Variants in DENND4C observed in about 807,000 individuals in gnomAD.
DENND4C encodes DENN domain-containing protein 4C.
Under a neutral mutation model 203.0 loss-of-function variants are expected in DENND4C, and 108 were observed. The observed-to-expected ratio is 0.53, with a 90% CI of 0.46 to 0.62. The LOEUF is 0.62. Among genes scored for constraint, DENND4C ranks in the 20% least tolerant of loss-of-function variants. The pLI is 0.00. For missense variants in DENND4C, 2,481 were observed against 2,301.2 expected (o/e 1.08, Z -1.60); for synonymous variants, 871 against 792.4 (o/e 1.10, Z -1.67).
intron 10 of DENND4C, among the ~76,000 whole-genome samples, chr9:19,314,347 A>G (rs1278829445): frequency 1.3e-5 from 2 of 149,950 alleles, no homozygotes. Context: ...CCAGCTACTC[A>G]GGAGCCTGAG....
chr9:19,265,361 T>C (rs1830277723), intron 1 of DENND4C, among the ~76,000 whole-genome samples: 1 of 152,174 alleles, frequency 6.6e-6, no homozygotes, highest in Non-Finnish European at 1.5e-5. Flanking sequence ...GACCCAGTGG[T>C]CATTTAGGAA....
intron 1 of DENND4C, among the ~76,000 whole-genome samples, chr9:19,231,458 C>G (rs1024129797): frequency 3.3e-5 from 5 of 152,008 alleles, no homozygotes; most frequent in African/African-American, 9.7e-5. Context: ...TCTGGAGTGA[C>G]TAAACACAAA....
chr9:19,369,895 A>G lies in DENND4C; in HGVS notation c.5583A>G (p.Val1861=). Residue 1861 remains valine (V), a synonymous_variant, in exon 31 of 33, where the codon GTA becomes GTG. Transcript: ENST00000434457. The part of the protein sequence containing the change: ...SEEQQETSTL[V]ETIRQSIQHN... The stretch of plus-strand genomic sequence containing the variant: ...AACAACAAGAAACAAGCACTTTAGT[A>G]GAAACCATCAGGCAGAGTATTCAGC... 5 of 1,613,806 alleles carry G rather than the reference A, an allele frequency of 3.1e-6. No homozygotes were observed. The highest frequency in any genetic ancestry group is 4.2e-6 in the Non-Finnish European group (5 of 1,179,888).
chr9:19,327,089 A>G (rs1351971916), intron 15 of DENND4C, among the ~76,000 whole-genome samples: 1 of 152,110 alleles, frequency 6.6e-6, no homozygotes, highest in Non-Finnish European at 1.5e-5. Context: ...TGTATCTGGG[A>G]TTGAATGGCT....
At chr9:19,359,648 A>C (rs992275580) in intron 28 of DENND4C, among the ~76,000 whole-genome samples, 6 of 149,790 alleles carry the variant, frequency 4.0e-5, no homozygotes, top group African/African-American at 1.5e-4. Context: ...TGGAGACCAC[A>C]GTCTAGGCAC....
chr9:19,316,764 A>G lies in DENND4C; in HGVS notation c.1732A>G (p.Arg578Gly), dbSNP rs780746447. The G allele has an allele frequency of 1.2e-5, 20 of 1,614,142 alleles. No individual in the cohort carries two copies. Reference sequence around the variant, plus strand: ...TATGGCGTCTATTTTAAAAGGATATAGAACATATCTCAGACCAATCACAGA... The same window carrying G: ...TATGGCGTCTATTTTAAAAGGATATGGAACATATCTCAGACCAATCACAGA... ...RFMASILKGY[R>G]TYLRPITEAP... The change falls in exon 12 of 33, where the codon AGA (arginine) becomes GGA (glycine). Residue 578 changes from arginine to glycine, a missense_variant. Physicochemically the swap from Arg to Gly is moderately radical, Grantham distance 125. Around this residue, in one of 3 missense-constraint regions of DENND4C, gnomAD observed 2,289 missense variants for 2,113.3 expected, o/e 1.08. Transcript: ENST00000434457.
intron 2 of DENND4C, among the ~76,000 whole-genome samples, chr9:19,282,807 C>T (rs150604977): frequency 7.3e-6 from 1 of 137,232 alleles, no homozygotes; most frequent in Non-Finnish European, 1.5e-5. Flanking sequence ...ATCTCTGCTT[C>T]CTGGGTTCAG....
chr9:19,276,556 C>A, intron 2 of DENND4C, 77 bp downstream of exon 2: 1 of 846,804 alleles, frequency 1.2e-6, no homozygotes, highest in Non-Finnish European at 1.6e-6. Flanking sequence ...AATTTGAAAT[C>A]CTTGATAGTT....
At chr9:19,337,604 G>C in intron 20 of DENND4C, 3 of 1,279,356 alleles carry the variant, frequency 2.3e-6, no homozygotes, top group Non-Finnish European at 3.0e-6. Flanking sequence ...GGTGCAGACA[G>C]ACTTATATGA....
At chr9:19,232,260 CTTG>C (rs1819814810) in intron 1 of DENND4C, among the ~76,000 whole-genome samples, 1 of 151,866 alleles carries the variant, frequency 6.6e-6, no homozygotes, top group Non-Finnish European at 1.5e-5. Flanking sequence ...CTTGCTTTGA[CTTG>C]TTTTTTTTTT....
chr9:19,263,497 C>T (rs1256884142), intron 1 of DENND4C, among the ~76,000 whole-genome samples: 1 of 151,072 alleles, frequency 6.6e-6, no homozygotes, highest in Non-Finnish European at 1.5e-5. Flanking sequence ...GCTGGGATTA[C>T]AGGCGTGCGC....
At chr9:19,281,377 T>C (rs975506610) in intron 2 of DENND4C, among the ~76,000 whole-genome samples, 4 of 152,118 alleles carry the variant, frequency 2.6e-5, no homozygotes, top group Non-Finnish European at 5.9e-5. Context: ...TTTTGGCCTG[T>C]TCTCCTCACT....
At chr9:19,272,777 T>A (rs1297245878) in intron 1 of DENND4C, among the ~76,000 whole-genome samples, 2 of 150,748 alleles carry the variant, frequency 1.3e-5, no homozygotes, top group Admixed American at 6.6e-5. Flanking sequence ...TATTTTTATT[T>A]TGTTTTTTGA....
At chr9:19,267,579 CA>C (rs1226889574) in intron 1 of DENND4C, among the ~76,000 whole-genome samples, 1 of 152,032 alleles carries the variant, frequency 6.6e-6, no homozygotes, top group African/African-American at 2.4e-5. Flanking sequence ...CTTTATCCCC[CA>C]GGCTGGAGTG....
intron 1 of DENND4C, among the ~76,000 whole-genome samples, chr9:19,233,561 C>CTT (rs11438629): frequency 0.029 from 3,827 of 131,196 alleles, 116 homozygotes; most frequent in Non-Finnish European, 0.043. Context: ...TATTTGAAAC[C>CTT]TTTTTTTTTT....
intron 1 of DENND4C, among the ~76,000 whole-genome samples, chr9:19,271,643 A>G (rs1588800663): frequency 6.6e-6 from 1 of 151,928 alleles, no homozygotes; most frequent in Non-Finnish European, 1.5e-5. Context: ...AGGCGGGCGG[A>G]TCACCTGAGG....
rs550088140 is a variant in DENND4C, at chr9:19,304,866, G to C, written c.1312-486G>C. Among the ~76,000 whole-genome samples the C allele has an allele frequency of 9.3e-5, 14 of 150,718 alleles. No homozygotes were observed. The South Asian group carries it at 2.1e-3, about 23-fold the overall frequency. On this transcript the variant is annotated intron_variant, in intron 9 of 32. Transcript: ENST00000434457. Reference sequence around the variant, plus strand: ...GCCCGGCCATGAATTTTTTTTTGTTGAGCTCTTTAATTATCTGTTAGCATT... The same window carrying C: ...GCCCGGCCATGAATTTTTTTTTGTTCAGCTCTTTAATTATCTGTTAGCATT...
intron 1 of DENND4C, among the ~76,000 whole-genome samples, chr9:19,273,762 G>A (rs1040385693): frequency 2.6e-5 from 4 of 152,028 alleles, no homozygotes; most frequent in African/African-American, 9.7e-5. Flanking sequence ...TAAAAAGACT[G>A]ATCTTACAAC....
intron 16 of DENND4C, 24 bp from the exon 17 acceptor site, chr9:19,331,951 TATC>T (rs752287723): frequency 1.1e-5 from 18 of 1,576,878 alleles, no homozygotes; most frequent in Admixed American, 1.0e-4. Context: ...TTTTAGTAAA[TATC>T]ATAATATTTT....
Sources: allele counts gnomAD v4.1 joint callset (sites outside exome capture counted in the v4.1 genomes callset), GRCh38; gene constraint gnomAD v4.1.1; regional missense constraint gnomAD v4.1.1; transcripts MANE v1.5; gene names NCBI Gene and HGNC (gene_info 2026-07-23, HGNC 2026-07-21).